CADPS2: variants seen among roughly 807,000 people sequenced by gnomAD.
The protein encoded by CADPS2 is calcium-dependent secretion activator 2.
In CADPS2, 93 loss-of-function variants were observed where a neutral mutation model predicts 172.5. The ratio of observed to expected loss-of-function variants is 0.54; its 90% CI spans 0.46 to 0.64. CADPS2 has a LOEUF of 0.64. CADPS2 is among the 30% of genes least tolerant of loss of function. The pLI is 0.00. For missense variants in CADPS2, 1,420 were observed against 1,565.9 expected (o/e 0.91, Z 1.57); for synonymous variants, 546 against 555.2 (o/e 0.98, Z 0.23).
intron 1 of CADPS2, among the ~76,000 whole-genome samples, chr7:122,799,765 C>G (rs1480789390): frequency 3.3e-5 from 5 of 151,944 alleles, no homozygotes. Context: ...CAAAATACAC[C>G]TAGCAATTAA....
intron 2 of CADPS2, among the ~76,000 whole-genome samples, chr7:122,734,300 G>A (rs1013269631): frequency 8.8e-5 from 11 of 125,498 alleles, no homozygotes; most frequent in African/African-American, 3.2e-4. Flanking sequence ...CACAGTACCT[G>A]ACATAGGTAT....
At chr7:122,792,554 G>T (rs974817863) in intron 1 of CADPS2, among the ~76,000 whole-genome samples, 1 of 152,098 alleles carries the variant, frequency 6.6e-6, no homozygotes, top group Admixed American at 6.6e-5. Flanking sequence ...TGTTGTTGCA[G>T]CTTGAACAGA....
intron 1 of CADPS2, among the ~76,000 whole-genome samples, chr7:122,754,746 A>G (rs147986745): frequency 1.3e-5 from 2 of 152,330 alleles, no homozygotes; most frequent in South Asian, 2.1e-4. Context: ...AAGTGCTGGG[A>G]TTACTGGCAT....
At chr7:122,403,749 A>T (rs1442911737) in intron 20 of CADPS2, among the ~76,000 whole-genome samples, 1 of 152,148 alleles carries the variant, frequency 6.6e-6, no homozygotes, top group African/African-American at 2.4e-5. Flanking sequence ...TATTCCATTC[A>T]TTGTAGATAA....
At chr7:122,754,007 G>A (rs1470821995) in intron 1 of CADPS2, among the ~76,000 whole-genome samples, 1 of 152,062 alleles carries the variant, frequency 6.6e-6, no homozygotes, top group African/African-American at 2.4e-5. Context: ...AGGATGTGGT[G>A]CAGAGCACTC....
chr7:122,800,425 C>T (rs905436739), intron 1 of CADPS2, among the ~76,000 whole-genome samples: 7 of 152,086 alleles, frequency 4.6e-5, no homozygotes, highest in African/African-American at 1.4e-4. Flanking sequence ...ATAAGCTTTA[C>T]AAAAACTGAT....
intron 17 of CADPS2, among the ~76,000 whole-genome samples, chr7:122,429,879 AGTT>A (rs2151883484): frequency 6.7e-6 from 1 of 148,780 alleles, no homozygotes; most frequent in Admixed American, 6.6e-5. Context: ...CAAACTGTGC[AGTT>A]TTTTTTTTTA....
chr7:122,509,016 T>G (rs1489985349), intron 9 of CADPS2, among the ~76,000 whole-genome samples: 1 of 152,212 alleles, frequency 6.6e-6, no homozygotes, highest in Non-Finnish European at 1.5e-5. Flanking sequence ...ATGATTTTCT[T>G]GATTTGGCAA....
chr7:122,681,501 G>C (rs2083043539), intron 2 of CADPS2: 1 of 1,470,752 alleles, frequency 6.8e-7, no homozygotes, highest in Non-Finnish European at 9.4e-7. Flanking sequence ...CGATGCCTAT[G>C]TGCTTCCCAA....
chr7:122,761,029 A>C (rs1031639145), intron 1 of CADPS2, among the ~76,000 whole-genome samples: 1 of 152,174 alleles, frequency 6.6e-6, no homozygotes. Flanking sequence ...TATGGGTAAA[A>C]GCAGGGGTGG....
intron 1 of CADPS2, among the ~76,000 whole-genome samples, chr7:122,820,716 C>G (rs1440307482): frequency 7.5e-6 from 1 of 133,890 alleles, no homozygotes; most frequent in Non-Finnish European, 1.6e-5. Flanking sequence ...CCCGCTACCA[C>G]GCCCGGCTAA....
intron 1 of CADPS2, among the ~76,000 whole-genome samples, chr7:122,845,937 C>T (rs539646502): frequency 4.6e-5 from 7 of 152,094 alleles, no homozygotes; most frequent in Non-Finnish European, 1.0e-4. Context: ...CTCGCCAACA[C>T]GGTGGTCCCT....
At chr7:122,651,693 A>T (rs2079162652) in intron 3 of CADPS2, among the ~76,000 whole-genome samples, 1 of 152,156 alleles carries the variant, frequency 6.6e-6, no homozygotes, top group South Asian at 2.1e-4. Context: ...CACTCGGGTA[A>T]ATCTGGGTGA....
At chr7:122,416,492 C>A (rs2047936610) in intron 17 of CADPS2, among the ~76,000 whole-genome samples, 1 of 152,216 alleles carries the variant, frequency 6.6e-6, no homozygotes, top group Non-Finnish European at 1.5e-5. Context: ...ACAGTCTTTT[C>A]TTTCTCTCTG....
chr7:122,378,858 C>T (rs1048744255), intron 25 of CADPS2: 1 of 152,646 alleles, frequency 6.6e-6, no homozygotes, highest in African/African-American at 2.4e-5. Flanking sequence ...ACTGCTTCAT[C>T]TCTACTTATA....
rs138265230 is a variant in CADPS2 at position 122,432,886 on chromosome 7, T to G, written c.2476+5455A>C. Among the ~76,000 whole-genome samples, 315 of 152,118 alleles carry G rather than the reference T, an allele frequency of 2.1e-3. 1 individual carries two copies. The highest frequency in any genetic ancestry group is 7.7e-3 in the South Asian group (37 of 4,810). On this transcript the variant is annotated intron_variant, in intron 17 of 29. Transcript: ENST00000449022. ...TGATATTTTCATTGTTACCCACTTTTAAAAGCATCACCCCACCAAGAACAT... is the reference window on the plus strand; with the variant it reads ...TGATATTTTCATTGTTACCCACTTTGAAAAGCATCACCCCACCAAGAACAT...
Position 122,689,401 on chromosome 7 carries a change from G to T in CADPS2, c.454-25832C>A, listed in dbSNP as rs116110592. On this transcript the variant is annotated intron_variant, in intron 2 of 29. Coordinates refer to ENST00000449022, the MANE Select transcript of CADPS2 (RefSeq NM_017954.11). ...GATTAACCTTATCAGTTAACAAAAG[G>T]AGGGCAACTCAGATGCAATTCAGGG... Among the ~76,000 whole-genome samples, 1,099 of 152,302 alleles carry T rather than the reference G, an allele frequency of 7.2e-3. 12 individuals carry two copies. The highest frequency in any genetic ancestry group is 0.025 in the African/African-American group (1,051 of 41,568).
intron 22 of CADPS2, among the ~76,000 whole-genome samples, chr7:122,391,972 T>TTTATGACTTAGTTTCC (rs1383261131): frequency 3.3e-5 from 5 of 152,150 alleles, no homozygotes; most frequent in Non-Finnish European, 5.9e-5. Flanking sequence ...TCTTAGTTTC[T>TTTATGACTTAGTTTCC]TTATGACTTA....
chr7:122,835,726 A>G (rs1348581358), intron 1 of CADPS2, among the ~76,000 whole-genome samples: 1 of 152,166 alleles, frequency 6.6e-6, no homozygotes, highest in Non-Finnish European at 1.5e-5. Context: ...AGAAGTTTAG[A>G]GAAAAAAGGG....
Sources: allele counts gnomAD v4.1 joint callset (sites outside exome capture counted in the v4.1 genomes callset), GRCh38; gene constraint gnomAD v4.1.1; transcripts MANE v1.5; gene names NCBI Gene and HGNC (gene_info 2026-07-23, HGNC 2026-07-21).